GOLM2: variants seen among roughly 807,000 people sequenced by gnomAD.
The protein encoded by GOLM2 is golgi membrane protein 2, also known as protein GOLM2.
In GOLM2, 26 loss-of-function variants were observed where a neutral mutation model predicts 55.9. The ratio of observed to expected loss-of-function variants is 0.47; its 90% CI spans 0.34 to 0.65. The LOEUF is 0.65. Ranked by LOEUF, GOLM2 falls within the 30% of genes least tolerant of loss-of-function variation. The pLI is 0.01. For synonymous variants in GOLM2, 165 were observed against 194.6 expected (o/e 0.85, Z 1.27); for missense variants, 486 against 531.8 (o/e 0.91, Z 0.85).
intron 4 of GOLM2, among the ~76,000 whole-genome samples, chr15:44,336,722 C>T (rs558194847): frequency 2.0e-5 from 3 of 151,924 alleles, no homozygotes; most frequent in Admixed American, 2.0e-4. Context: ...CGAGACCATC[C>T]TGGCTAACAC....
In GOLM2 at chr15:44,379,763, A is replaced by C. The variant is rs1308901744; in HGVS notation, c.876A>C (p.Gln292His). ...HQAISHLPTG[Q>H]PLSPNMPPDS... ...CAATCTCCCATCTTCCAACTGGACA[A>C]CCTCTCTCCCCAAATATGCCTCCAG... Residue 292 changes from glutamine (Q) to histidine (H), a missense_variant, in exon 7 of 10, where the codon CAA becomes CAC. Transcript: ENST00000299957. 2.5e-6 allele frequency: 4 copies of C among 1,610,896 alleles called. No individual in the cohort carries two copies. The South Asian group carries it at 4.4e-5, about 18-fold the overall frequency.
chr15:44,384,667 A>G (rs2079429157), intron 8 of GOLM2, among the ~76,000 whole-genome samples: 3 of 152,162 alleles, frequency 2.0e-5, no homozygotes, highest in Admixed American at 2.0e-4. Context: ...GAATGGTGTG[A>G]ACCCAGGAGG....
intron 1 of GOLM2, among the ~76,000 whole-genome samples, chr15:44,322,108 C>T (rs1284807347): frequency 6.6e-6 from 1 of 151,392 alleles, no homozygotes; most frequent in Non-Finnish European, 1.5e-5. Flanking sequence ...TGGCTCATGC[C>T]TGTAATCCCA....
At chr15:44,323,388 A>T (rs2078963890) in intron 2 of GOLM2, among the ~76,000 whole-genome samples, 1 of 152,028 alleles carries the variant, frequency 6.6e-6, no homozygotes, top group African/African-American at 2.4e-5. Flanking sequence ...AAATTAATTC[A>T]TTCAGGTCTA....
rs771026531 is a variant in GOLM2 at position 44,296,774 on chromosome 15, T to A, written c.327+7418T>A. Among the ~76,000 whole-genome samples, 67 of 152,220 alleles carry A rather than the reference T, an allele frequency of 4.4e-4. 1 individual carries two copies. Among genetic ancestry groups the A allele is most frequent in the Admixed American group, 2.0e-4 (3 of 15,268 alleles). On this transcript the variant is annotated intron_variant, in intron 1 of 9. Transcript: ENST00000299957. ...GACTGTTTTTGTTATTTGCTTGTTTTCAGTTTCCTGGTTCATTTCCAGTTA... is the reference window on the plus strand; with the variant it reads ...GACTGTTTTTGTTATTTGCTTGTTTACAGTTTCCTGGTTCATTTCCAGTTA...
chr15:44,307,670 G>A (rs910158557), intron 1 of GOLM2: 8 of 152,158 alleles, frequency 5.3e-5, no homozygotes, highest in Admixed American at 1.3e-4. Context: ...TAAGATTCCC[G>A]TTCTTTGAAG....
At chr15:44,327,505 G>A (rs1480353937) in intron 2 of GOLM2, among the ~76,000 whole-genome samples, 1 of 152,074 alleles carries the variant, frequency 6.6e-6, no homozygotes, top group Non-Finnish European at 1.5e-5. Flanking sequence ...TAACCCTTCT[G>A]TAAAAAATAG....
intron 1 of GOLM2, among the ~76,000 whole-genome samples, chr15:44,320,072 C>T (rs915545832): frequency 6.6e-6 from 1 of 152,136 alleles, no homozygotes; most frequent in Non-Finnish European, 1.5e-5. Flanking sequence ...CAAAAAGTCA[C>T]TCCTCATTCC....
At chr15:44,407,896 C>A (rs949268846) in intron 9 of GOLM2, among the ~76,000 whole-genome samples, 1 of 151,622 alleles carries the variant, frequency 6.6e-6, no homozygotes, top group Non-Finnish European at 1.5e-5. Flanking sequence ...GGATTACAGG[C>A]GTCCACCATC....
chr15:44,342,713 T>C (rs1203190687), intron 6 of GOLM2, among the ~76,000 whole-genome samples: 1 of 152,254 alleles, frequency 6.6e-6, no homozygotes, highest in Non-Finnish European at 1.5e-5. Context: ...CTTTGAGCTC[T>C]GTGATCATTC....
At chr15:44,378,906 C>T (rs758425517) in intron 6 of GOLM2, among the ~76,000 whole-genome samples, 1 of 151,776 alleles carries the variant, frequency 6.6e-6, no homozygotes, top group Non-Finnish European at 1.5e-5. Context: ...CCACCACGCC[C>T]GGCTAATTTT....
chr15:44,362,391 A>G (rs1399826764), intron 6 of GOLM2, among the ~76,000 whole-genome samples: 2 of 151,198 alleles, frequency 1.3e-5, no homozygotes, highest in African/African-American at 2.4e-5. Context: ...ATTCTTATAC[A>G]CCAATAACAG....
intron 6 of GOLM2, among the ~76,000 whole-genome samples, chr15:44,360,072 C>A (rs1358069119): frequency 6.6e-6 from 1 of 152,160 alleles, no homozygotes; most frequent in African/African-American, 2.4e-5. Context: ...TGGAAAGGAA[C>A]AACCACTACC....
chr15:44,337,047 A>G (rs1327483380), intron 4 of GOLM2, among the ~76,000 whole-genome samples: 1 of 152,220 alleles, frequency 6.6e-6, no homozygotes, highest in Non-Finnish European at 1.5e-5. Context: ...AAGCATTTAT[A>G]GATGCATTAA....
At chr15:44,401,986 C>T (rs764890913) in intron 8 of GOLM2, among the ~76,000 whole-genome samples, 3 of 151,866 alleles carry the variant, frequency 2.0e-5, no homozygotes, top group Admixed American at 6.6e-5. Context: ...TCTGCCACCA[C>T]GCCTGGCTAA....
intron 6 of GOLM2, among the ~76,000 whole-genome samples, chr15:44,362,518 AACC>A (rs1367901438): frequency 6.6e-6 from 1 of 151,928 alleles, no homozygotes; most frequent in African/African-American, 2.4e-5. Flanking sequence ...GAGAACTACA[AACC>A]ACTGCTCAAT....
At chr15:44,388,021 T>C (rs2079459725) in intron 8 of GOLM2, among the ~76,000 whole-genome samples, 1 of 150,048 alleles carries the variant, frequency 6.7e-6, no homozygotes, top group Non-Finnish European at 1.5e-5. Flanking sequence ...CAGGCTGGAG[T>C]GCAGTGGCGC....
chr15:44,291,949 AG>A, intron 1 of GOLM2, among the ~76,000 whole-genome samples: 1 of 152,284 alleles, frequency 6.6e-6, no homozygotes, highest in Non-Finnish European at 1.5e-5. Context: ...TTAATAAAGA[AG>A]GCTATTCAAT....
chr15:44,313,577 A>T (rs1264949794), intron 1 of GOLM2, among the ~76,000 whole-genome samples: 1 of 152,304 alleles, frequency 6.6e-6, no homozygotes, highest in South Asian at 2.1e-4. Flanking sequence ...CCAAATCTGT[A>T]TCCTTTATCC....
Sources: allele counts gnomAD v4.1 joint callset (sites outside exome capture counted in the v4.1 genomes callset), GRCh38; gene constraint gnomAD v4.1.1; transcripts MANE v1.5; gene names NCBI Gene and HGNC (gene_info 2026-07-23, HGNC 2026-07-21).